Variants in CTNNB1 observed in about 807,000 individuals in gnomAD.
CTNNB1 encodes catenin beta-1.
In CTNNB1, 6 loss-of-function variants were observed where a neutral mutation model predicts 82.5. The observed-to-expected ratio is 0.07, with a 90% CI of 0.04 to 0.14. The LOEUF is 0.14. CTNNB1 is among the 10% of genes least tolerant of loss of function. CTNNB1 has a pLI of 1.00. For missense variants in CTNNB1, 529 were observed against 980.4 expected (o/e 0.54, Z 6.15); for synonymous variants, 312 against 329.7 (o/e 0.95, Z 0.58).
rs369714835 is a variant in CTNNB1 at position 41,224,593 on chromosome 3, A to G, written c.81A>G (p.Gln27=). The G allele has an allele frequency of 2.7e-5, 43 of 1,613,970 alleles. No homozygotes were observed. Among genetic ancestry groups the G allele is most frequent in the African/African-American group, 1.5e-4 (11 of 75,036 alleles). ...AAGCGGCTGTTAGTCACTGGCAGCAACAGTCTTACCTGGACTCTGGAATCC... is the reference window on the plus strand; with the variant it reads ...AAGCGGCTGTTAGTCACTGGCAGCAGCAGTCTTACCTGGACTCTGGAATCC... ...DRKAAVSHWQ[Q]QSYLDSGIHS... is the part of the protein sequence containing the mutation. Residue 27 remains glutamine, a synonymous_variant, in exon 3 of 15, where the codon CAA becomes CAG. Transcript: ENST00000349496.
Position 41,238,008 on chromosome 3 carries a change from T to G in CTNNB1, c.2077-8T>G. ...CTATTCTTCCTTGCTTTGTGCATGT[T>G]TATCTAGACTGCTGATCTTGGACTT... On this transcript the variant is annotated splice_region_variant and splice_polypyrimidine_tract_variant and intron_variant, in intron 13 of 14. Coordinates refer to ENST00000349496, the MANE Select transcript of CTNNB1 (RefSeq NM_001904.4). 2.5e-6 allele frequency: 4 copies of G among 1,613,386 alleles called. No individual in the cohort carries two copies. Among genetic ancestry groups the G allele is most frequent in the Non-Finnish European group, 3.4e-6 (4 of 1,179,296 alleles).
chr3:41,232,121 G>A (rs1365601916), intron 7 of CTNNB1, among the ~76,000 whole-genome samples: 1 of 151,852 alleles, frequency 6.6e-6, no homozygotes, highest in Non-Finnish European at 1.5e-5. Flanking sequence ...GTGCCACAGA[G>A]TCATCTGTAT....
chr3:41,223,200 A>G (rs905839019), intron 1 of CTNNB1, among the ~76,000 whole-genome samples: 11 of 152,224 alleles, frequency 7.2e-5, no homozygotes, highest in African/African-American at 2.7e-4. Context: ...AAATCGTGTT[A>G]TTAGAAATAT....
Position 41,212,103 on chromosome 3 carries a change from G to A in CTNNB1, c.-48-11918G>A, listed in dbSNP as rs538115440. Among the ~76,000 whole-genome samples, 16 of 152,286 alleles carry A rather than the reference G, an allele frequency of 1.1e-4. No homozygotes were observed. The East Asian group carries it at 2.5e-3, about 24-fold the overall frequency. ...GAAGCCTTCATGGCTGATGTCAGAT[G>A]TTTTGCCCATTGAGATCTTCCTTGT... On this transcript the variant is annotated intron_variant, in intron 1 of 14. Coordinates refer to ENST00000349496, the MANE Select transcript of CTNNB1 (RefSeq NM_001904.4).
chr3:41,237,903 G>T, intron 13 of CTNNB1, 113 bp from the exon 14 acceptor site: 1 of 843,108 alleles, frequency 1.2e-6, no homozygotes, highest in Non-Finnish European at 2.1e-6. Context: ...GTGTAATGTT[G>T]GAGTTACTTG....
chr3:41,230,796 A>G (rs1040886799), intron 7 of CTNNB1, among the ~76,000 whole-genome samples: 2 of 152,214 alleles, frequency 1.3e-5, no homozygotes, highest in African/African-American at 2.4e-5. Context: ...ACCATGTGCT[A>G]TGTCTTAGAA....
intron 10 of CTNNB1, 143 bp from the exon 11 acceptor site, chr3:41,235,581 A>C (rs1347711251): frequency 2.8e-6 from 3 of 1,083,020 alleles, no homozygotes; most frequent in Non-Finnish European, 4.2e-6. Context: ...CATTCAAGTT[A>C]ATGGAATCCT....
At chr3:41,222,817 C>A (rs1396003782) in intron 1 of CTNNB1, among the ~76,000 whole-genome samples, 2 of 152,164 alleles carry the variant, frequency 1.3e-5, no homozygotes, top group African/African-American at 4.8e-5. Context: ...AGGAGAAGCT[C>A]AGTGTAGAAC....
At chr3:41,237,957 A>G in intron 13 of CTNNB1, 59 bp from the exon 14 acceptor site, 1 of 1,444,970 alleles carries the variant, frequency 6.9e-7, no homozygotes, top group Non-Finnish European at 9.7e-7. Context: ...AAATTAGTGT[A>G]CTTTTGAGAA....
Position 41,224,756 on chromosome 3 carries a change from A to T in CTNNB1, c.241+3A>T, listed in dbSNP as rs2125618436. ...CTTCACTCAAGAACAAGTAGCTGGT[A>T]AGAGTATTATTTTTCATTGCCTTAC... On this transcript the variant is annotated splice_donor_region_variant and intron_variant, in intron 3 of 14. Transcript: ENST00000349496. 6.2e-7 allele frequency: 1 copy of T among 1,612,850 alleles called. No individual in the cohort carries two copies. Among genetic ancestry groups the T allele is most frequent in the Non-Finnish European group, 8.5e-7 (1 of 1,179,030 alleles).
chr3:41,224,044 C>T lies in CTNNB1; in HGVS notation c.-25C>T, dbSNP rs1553629911. The T allele has an allele frequency of 6.2e-7, 1 of 1,612,772 alleles. No homozygotes were observed. The highest frequency in any genetic ancestry group is 8.5e-7 in the Non-Finnish European group (1 of 1,178,974). The stretch of plus-strand genomic sequence containing the variant: ...AGGGTATTTGAAGTATACCATACAA[C>T]TGTTTTGAAAATCCAGCGTGGACAA... On this transcript the variant is annotated 5_prime_UTR_variant, in exon 2 of 15. Transcript: ENST00000349496.
Position 41,239,986 on chromosome 3 carries a change from C to CTTTTTTTTTTTTTTT in CTNNB1, c.*655_*669dup, listed in dbSNP as rs1207330730. 3.3e-5 allele frequency: 1 copy of CTTTTTTTTTTTTTTT among 30,588 alleles called. No individual in the cohort carries two copies. The highest frequency in any genetic ancestry group is 6.8e-5 in the Non-Finnish European group (1 of 14,782). The allele number at this position is 30,588 out of a possible 1,614,324, so 1.9% of individuals were successfully genotyped here. ...TGACTTTGCTTGCTTTGAAGTAGCT[C>CTTTTTTTTTTTTTTT]TTTTTTTTTTTTTTTTTTTTTTTTT... On this transcript the variant is annotated 3_prime_UTR_variant, in exon 15 of 15. Transcript: ENST00000349496.
chr3:41,236,155 T>G, intron 11 of CTNNB1, 194 bp from the exon 12 acceptor site: 1 of 813,392 alleles, frequency 1.2e-6, no homozygotes, highest in Non-Finnish European at 2.0e-6. Context: ...AGAAAGGGTT[T>G]ATAGCTAAAA....
At position 41,229,596 on chromosome 3, in the gene CTNNB1, G is replaced by A. The variant is rs932406799; in HGVS notation, c.1081+2244G>A. Among the ~76,000 whole-genome samples the A allele has an allele frequency of 3.9e-5, 6 of 152,202 alleles. No homozygotes were observed. In the East Asian group the frequency reaches 9.7e-4, roughly 24 times the overall value. On this transcript the variant is annotated intron_variant, in intron 7 of 14. Transcript: ENST00000349496. Reference sequence around the variant, plus strand: ...TTGCTGAAGTTTATTGGATCAAGGAGCTTTTGGGCAGAGATTATGGGGTTT... The same window carrying A: ...TTGCTGAAGTTTATTGGATCAAGGAACTTTTGGGCAGAGATTATGGGGTTT...
At chr3:41,235,987 A>G in intron 11 of CTNNB1, 144 bp downstream of exon 11, 1 of 1,045,092 alleles carries the variant, frequency 9.6e-7, no homozygotes. Context: ...TTTGGTCAGT[A>G]AGAGAAACAT....
intron 7 of CTNNB1, among the ~76,000 whole-genome samples, chr3:41,228,397 T>G (rs2078228372): frequency 6.6e-6 from 1 of 152,240 alleles, no homozygotes; most frequent in African/African-American, 2.4e-5. Flanking sequence ...TTTTGACTTT[T>G]TATTAGTAGC....
At chr3:41,202,345 C>A (rs552015283) in intron 1 of CTNNB1, among the ~76,000 whole-genome samples, 2 of 152,280 alleles carry the variant, frequency 1.3e-5, no homozygotes, top group South Asian at 4.1e-4. Flanking sequence ...ACCCGGGGCA[C>A]AAAGGATGAA....
intron 11 of CTNNB1, 195 bp downstream of exon 11, chr3:41,236,038 T>C: frequency 5.3e-6 from 4 of 750,716 alleles, no homozygotes; most frequent in South Asian, 3.5e-5. Flanking sequence ...ATTTCACTTT[T>C]ATGGGTGCCT....
intron 7 of CTNNB1, among the ~76,000 whole-genome samples, chr3:41,229,539 C>CT (rs1294922223): frequency 1.3e-5 from 2 of 152,120 alleles, no homozygotes; most frequent in South Asian, 2.1e-4. Flanking sequence ...ATGCTTCTGA[C>CT]TTTTGTACAT....
Sources: allele counts gnomAD v4.1 joint callset (sites outside exome capture counted in the v4.1 genomes callset), GRCh38; gene constraint gnomAD v4.1.1; transcripts MANE v1.5; gene names NCBI Gene and HGNC (gene_info 2026-07-23, HGNC 2026-07-21).